Variants in PTPRD observed in about 807,000 individuals in gnomAD.
PTPRD encodes receptor-type tyrosine-protein phosphatase delta.
A neutral mutation model predicts 214.5 loss-of-function variants in PTPRD; 34 were observed. The ratio of observed to expected loss-of-function variants is 0.16; its 90% CI spans 0.12 to 0.21. The LOEUF is 0.21. Ranked by LOEUF, PTPRD falls within the 10% of genes least tolerant of loss-of-function variation. The pLI is 1.00. For missense variants in PTPRD, 2,545 were observed against 2,398.7 expected (o/e 1.06, Z -1.27); for synonymous variants, 1,128 against 845.7 (o/e 1.33, Z -5.79).
intron 10 of PTPRD, among the ~76,000 whole-genome samples, chr9:9,035,054 G>A (rs955518622): frequency 6.6e-6 from 1 of 152,014 alleles, no homozygotes; most frequent in Admixed American, 6.6e-5. Flanking sequence ...ATTCCTAGAT[G>A]GTGAGCTTTT....
intron 11 of PTPRD, among the ~76,000 whole-genome samples, chr9:8,749,845 T>A (rs1415836881): frequency 6.6e-6 from 1 of 152,136 alleles, no homozygotes; most frequent in Non-Finnish European, 1.5e-5. Flanking sequence ...CTTACGCCTG[T>A]AATCACAACA....
At chr9:10,181,974 G>A (rs1210021772) in intron 3 of PTPRD, among the ~76,000 whole-genome samples, 10 of 143,428 alleles carry the variant, frequency 7.0e-5, no homozygotes, top group Admixed American at 2.8e-4. Flanking sequence ...AAAAAGGAAT[G>A]GCTGGGTGCA....
chr9:9,101,397 A>G (rs2099791160), intron 10 of PTPRD, among the ~76,000 whole-genome samples: 1 of 152,238 alleles, frequency 6.6e-6, no homozygotes, highest in Admixed American at 6.5e-5. Context: ...TGGCAGCTCT[A>G]TAAAAATACA....
chr9:8,593,143 T>C (rs1170254926), intron 14 of PTPRD, among the ~76,000 whole-genome samples: 1 of 152,140 alleles, frequency 6.6e-6, no homozygotes, highest in African/African-American at 2.4e-5. Context: ...TTCTCAGAAG[T>C]GTTAGGAAAT....
chr9:10,347,919 G>A (rs550273419), intron 2 of PTPRD, among the ~76,000 whole-genome samples: 4 of 151,850 alleles, frequency 2.6e-5, no homozygotes, highest in African/African-American at 4.8e-5. Flanking sequence ...TTAGCCCAGC[G>A]TGGTGCATGT....
At chr9:9,832,387 G>A (rs377738709) in intron 5 of PTPRD, among the ~76,000 whole-genome samples, 1 of 151,860 alleles carries the variant, frequency 6.6e-6, no homozygotes. Context: ...CAAAATAATA[G>A]ATAATTCATT....
intron 5 of PTPRD, among the ~76,000 whole-genome samples, chr9:9,832,341 A>T (rs1418725482): frequency 6.6e-6 from 1 of 151,986 alleles, no homozygotes; most frequent in Non-Finnish European, 1.5e-5. Context: ...ATAGGGATGG[A>T]TATCTGAAGA....
chr9:9,126,376 G>A (rs151316287), intron 10 of PTPRD, among the ~76,000 whole-genome samples: 11 of 152,156 alleles, frequency 7.2e-5, no homozygotes, highest in Non-Finnish European at 1.0e-4. Context: ...TTGAATATAA[G>A]CTGAATACAG....
At chr9:9,825,328 G>A (rs1250400959) in intron 5 of PTPRD, among the ~76,000 whole-genome samples, 1 of 151,546 alleles carries the variant, frequency 6.6e-6, no homozygotes, top group Admixed American at 6.6e-5. Flanking sequence ...AAGAAAGAGA[G>A]AGAGAAAGAG....
At chr9:8,423,903 A>G (rs567820488) in intron 35 of PTPRD, among the ~76,000 whole-genome samples, 8 of 152,292 alleles carry the variant, frequency 5.3e-5, no homozygotes, top group Middle Eastern at 3.4e-3. Context: ...TATAGAATCA[A>G]TCTGATGAAT....
At chr9:10,424,791 T>A (rs553375160) in intron 2 of PTPRD, among the ~76,000 whole-genome samples, 35 of 152,082 alleles carry the variant, frequency 2.3e-4, no homozygotes, top group African/African-American at 4.8e-4. Context: ...AAAACCCTGC[T>A]GGAAATAAAT....
intron 3 of PTPRD, among the ~76,000 whole-genome samples, chr9:10,176,415 T>A (rs2099249090): frequency 6.6e-6 from 1 of 151,834 alleles, no homozygotes; most frequent in African/African-American, 2.4e-5. Context: ...AGATTATCCA[T>A]AAAATTGTCC....
chr9:8,657,949 T>C (rs2096947116), intron 12 of PTPRD, among the ~76,000 whole-genome samples: 1 of 152,222 alleles, frequency 6.6e-6, no homozygotes, highest in South Asian at 2.1e-4. Context: ...ATTATCAAAT[T>C]ATTTTTTCTG....
At chr9:8,596,770 C>G (rs995428141) in intron 14 of PTPRD, among the ~76,000 whole-genome samples, 1 of 152,024 alleles carries the variant, frequency 6.6e-6, no homozygotes, top group Admixed American at 6.5e-5. Context: ...CTTATCTAAG[C>G]TAGGCAACAC....
At chr9:8,747,642 G>A (rs944495423) in intron 11 of PTPRD, among the ~76,000 whole-genome samples, 1 of 152,136 alleles carries the variant, frequency 6.6e-6, no homozygotes. Flanking sequence ...AGAAGAAATA[G>A]AATGAAGGAC....
chr9:9,307,067 T>C (rs1004848026), intron 9 of PTPRD, among the ~76,000 whole-genome samples: 3 of 152,302 alleles, frequency 2.0e-5, no homozygotes, highest in African/African-American at 7.2e-5. Context: ...CCTGTCAATA[T>C]AGAATTGATG....
intron 3 of PTPRD, among the ~76,000 whole-genome samples, chr9:10,228,065 T>C (rs531342367): frequency 2.1e-4 from 32 of 152,032 alleles, no homozygotes; most frequent in African/African-American, 7.5e-4. Flanking sequence ...CCCATTATGA[T>C]TAAAAGAGAT....
At chr9:9,651,191 A>C (rs901067049) in intron 7 of PTPRD, among the ~76,000 whole-genome samples, 4 of 152,196 alleles carry the variant, frequency 2.6e-5, no homozygotes, top group African/African-American at 9.6e-5. Flanking sequence ...TAAACCTAGA[A>C]AATTATTTTG....
intron 11 of PTPRD, among the ~76,000 whole-genome samples, chr9:8,880,614 T>C (rs1169314476): frequency 1.3e-5 from 2 of 152,212 alleles, no homozygotes; most frequent in African/African-American, 4.8e-5. Flanking sequence ...CCAGGTATAC[T>C]GCACCTTTTT....
Sources: gnomAD v4.1 joint callset for allele counts (sites outside exome capture counted in the v4.1 genomes callset) on GRCh38, gnomAD v4.1.1 for gene constraint, MANE v1.5 for transcripts, NCBI Gene and HGNC (gene_info 2026-07-23, HGNC 2026-07-21) for gene names.